RAB11FIP1: variants seen among roughly 807,000 people sequenced by gnomAD.
The protein encoded by RAB11FIP1 is rab11 family-interacting protein 1.
A neutral mutation model predicts 83.1 loss-of-function variants in RAB11FIP1; 49 were observed. The ratio of observed to expected loss-of-function variants is 0.59; its 90% CI spans 0.47 to 0.75. The LOEUF is 0.75. Among genes scored for constraint, RAB11FIP1 ranks in the 30% least tolerant of loss-of-function variants. The pLI is 0.00. For missense variants in RAB11FIP1, 1,536 were observed against 1,598.7 expected (o/e 0.96, Z 0.67); for synonymous variants, 670 against 656.0 (o/e 1.02, Z -0.33).
chr8:37,884,056 T>G (rs181915666), intron 1 of RAB11FIP1, among the ~76,000 whole-genome samples: 1 of 152,152 alleles, frequency 6.6e-6, no homozygotes, highest in Non-Finnish European at 1.5e-5. Flanking sequence ...ATTTATTTAT[T>G]TATTTATTTA....
intron 1 of RAB11FIP1, among the ~76,000 whole-genome samples, chr8:37,894,839 T>G (rs1169191029): frequency 6.6e-6 from 1 of 150,616 alleles, no homozygotes; most frequent in Non-Finnish European, 1.5e-5. Flanking sequence ...AACCTCCACC[T>G]CCTGGGTTCA....
In RAB11FIP1 at chr8:37,862,544, T is replaced by C. The variant is rs1404094704; in HGVS notation, c.*351A>G. 1 of 195,538 alleles carries C rather than the reference T, an allele frequency of 5.1e-6. No homozygotes were observed. Among genetic ancestry groups the C allele is most frequent in the African/African-American group, 2.3e-5 (1 of 42,846 alleles). 12.1% of individuals were successfully genotyped at this position (195,538 alleles called of 1,614,324 possible). On this transcript the variant is annotated 3_prime_UTR_variant, in exon 6 of 6. Transcript: ENST00000330843. Reference sequence around the variant, plus strand: ...GATACATACTGAAAAAAAATCTCAGTATGAAAGAAAGAAAACCCCAGTGTT... The same window carrying C: ...GATACATACTGAAAAAAAATCTCAGCATGAAAGAAAGAAAACCCCAGTGTT...
chr8:37,872,507 C>T lies in RAB11FIP1; in HGVS notation c.2295G>A (p.Arg765=). 6.2e-7 allele frequency: 1 copy of T among 1,614,102 alleles called. No individual in the cohort carries two copies. The highest frequency in any genetic ancestry group is 8.5e-7 in the Non-Finnish European group (1 of 1,180,008). The part of the protein sequence containing the change: ...QAGSLVESKA[R]DAAEEVAPPL... ...GGGGCGCCACTTCTTCAGCTGCATC[C>T]CTGGCTTTGCTCTCCACAAGAGACC... The change falls in exon 4 of 6, where the codon AGG becomes AGA. Residue 765 remains arginine, a synonymous_variant. Transcript: ENST00000330843.
chr8:37,880,139 G>A (rs1349481647), intron 1 of RAB11FIP1, among the ~76,000 whole-genome samples: 1 of 152,008 alleles, frequency 6.6e-6, no homozygotes, highest in Non-Finnish European at 1.5e-5. Context: ...CCATTTAGGA[G>A]CCCTATACCT....
intron 5 of RAB11FIP1, among the ~76,000 whole-genome samples, chr8:37,868,162 C>G (rs1806379882): frequency 6.6e-6 from 1 of 152,178 alleles, no homozygotes; most frequent in Admixed American, 6.5e-5. Flanking sequence ...TGGCTCACGC[C>G]TGTAATCCCA....
chr8:37,882,030 GAACGCT>G (rs1257060961), intron 1 of RAB11FIP1, among the ~76,000 whole-genome samples: 1 of 152,176 alleles, frequency 6.6e-6, no homozygotes, highest in Non-Finnish European at 1.5e-5. Context: ...AGAAGTTGCT[GAACGCT>G]AACTGAGGAG....
chr8:37,877,567 C>T lies in RAB11FIP1; in HGVS notation c.372-16G>A, dbSNP rs759582493. ...CTTATACCACCTGAAAGGAGAAAGG[C>T]TGAGGAGTTACCTTTGAATGGAAGC... On this transcript the variant is annotated splice_polypyrimidine_tract_variant and intron_variant, in intron 1 of 5. Transcript: ENST00000330843. 1.5e-5 allele frequency: 23 copies of T among 1,558,120 alleles called. No homozygotes were observed. In the South Asian group the frequency reaches 1.9e-4, roughly 13 times the overall value.
chr8:37,872,714 C>A lies in RAB11FIP1; in HGVS notation c.2088G>T (p.Gln696His), dbSNP rs1806504270. Reference sequence around the variant, plus strand: ...CTTCCTCTTGTCGCCCTGTTTCAGGCTGCTCTGGGAGAGACTCCTCCAACT... The same window carrying A: ...CTTCCTCTTGTCGCCCTGTTTCAGGATGCTCTGGGAGAGACTCCTCCAACT... ...SLELEESLPEQPETGRQEEEL... is the reference protein window; with the variant it reads ...SLELEESLPEHPETGRQEEEL... The change falls in exon 4 of 6, where the codon CAG (glutamine) becomes CAT (histidine). Residue 696 changes from glutamine to histidine, a missense_variant. Physicochemically the swap from Gln to His is conservative, Grantham distance 24. Coordinates refer to ENST00000330843, the MANE Select transcript of RAB11FIP1 (RefSeq NM_001002814.3). 1.9e-6 allele frequency: 3 copies of A among 1,614,242 alleles called. No individual in the cohort carries two copies. The East Asian group carries it at 6.7e-5, about 36-fold the overall frequency.
Position 37,878,420 on chromosome 8 carries a change from G to A in RAB11FIP1, c.372-869C>T, listed in dbSNP as rs559742335. Among the ~76,000 whole-genome samples, 543 of 150,572 alleles carry A rather than the reference G, an allele frequency of 3.6e-3. 6 individuals are homozygous for A. Among genetic ancestry groups the A allele is most frequent in the Middle Eastern group, 3.5e-3 (1 of 288 alleles). On this transcript the variant is annotated intron_variant, in intron 1 of 5. Transcript: ENST00000330843. ...GTGGTGGCAGGCGCCTGTGGTCCCA[G>A]CTACTCAGGAGACCGTGGCAGGAGA... is the stretch of plus-strand genomic sequence containing the variant.
intron 4 of RAB11FIP1, chr8:37,870,898 C>A: frequency 3.5e-6 from 1 of 286,732 alleles, no homozygotes; most frequent in Non-Finnish European, 6.5e-6. Flanking sequence ...AAAGACAGCT[C>A]AAAACAAACA....
At chr8:37,874,452 G>A (rs1016872204) in intron 3 of RAB11FIP1, 63 bp downstream of exon 3, 12 of 1,326,812 alleles carry the variant, frequency 9.0e-6, no homozygotes, top group African/African-American at 2.9e-5. Context: ...CTGGTCTAAC[G>A]TAAGCCTGAA....
At position 37,872,379 on chromosome 8, in the gene RAB11FIP1, C is replaced by G; in HGVS notation, c.2423G>C (p.Arg808Pro). The change falls in exon 4 of 6, where the codon CGT (arginine) becomes CCT (proline). Residue 808 changes from arginine to proline, a missense_variant. Coordinates refer to ENST00000330843, the MANE Select transcript of RAB11FIP1 (RefSeq NM_001002814.3). ...GAAGAGCTGCTCAGAAAATGACACA[C>G]GCTTCTTGGTTTTCTTCTGGTCCTT... ...LRKDQKKTKK[R>P]VSFSEQLFTE... 2 of 1,614,204 alleles carry G rather than the reference C, an allele frequency of 1.2e-6. No homozygotes were observed. The highest frequency in any genetic ancestry group is 1.7e-6 in the Non-Finnish European group (2 of 1,180,044).
rs541800713 is a variant in RAB11FIP1 at position 37,860,978 on chromosome 8, C to T, written c.*1917G>A. ...ATAAAAGAGATTCCTGATTTAATAA[C>T]TGCTATCATCTTCACCCCCAACCAC... On this transcript the variant is annotated 3_prime_UTR_variant, in exon 6 of 6. Transcript: ENST00000330843. 2 of 152,614 alleles carry T rather than the reference C, an allele frequency of 1.3e-5. No individual in the cohort carries two copies. Among genetic ancestry groups the T allele is most frequent in the East Asian group, 1.9e-4 (1 of 5,184 alleles). The allele number at this position is 152,614 out of a possible 1,614,324, so 9.5% of individuals were successfully genotyped here.
chr8:37,867,121 C>T (rs1806355975), intron 5 of RAB11FIP1, among the ~76,000 whole-genome samples: 1 of 152,170 alleles, frequency 6.6e-6, no homozygotes, highest in Admixed American at 6.5e-5. Flanking sequence ...TCTTTGGAGC[C>T]ACACTGCATT....
At chr8:37,897,483 A>G (rs1021486784) in intron 1 of RAB11FIP1, among the ~76,000 whole-genome samples, 1 of 149,222 alleles carries the variant, frequency 6.7e-6, no homozygotes, top group African/African-American at 2.5e-5. Context: ...TAGCTTTGGC[A>G]TACTAGATGA....
At position 37,896,271 on chromosome 8, in the gene RAB11FIP1, T is replaced by C. The variant is rs554441898; in HGVS notation, c.371+2800A>G. On this transcript the variant is annotated intron_variant, in intron 1 of 5. Coordinates refer to ENST00000330843, the MANE Select transcript of RAB11FIP1 (RefSeq NM_001002814.3). ...GTTTCAGTGAGCCGAGATCACGCCA[T>C]TGCACTCCAGCCTGGGGGACAGAGT... 1.3e-5 allele frequency among the ~76,000 whole-genome samples: 2 copies of C among 151,642 alleles called. 1 individual carries two copies. Among genetic ancestry groups the C allele is most frequent in the South Asian group, 4.2e-4 (2 of 4,812 alleles).
chr8:37,866,191 C>A (rs1806338883), intron 5 of RAB11FIP1, among the ~76,000 whole-genome samples: 1 of 151,930 alleles, frequency 6.6e-6, no homozygotes, highest in Non-Finnish European at 1.5e-5. Flanking sequence ...AAAAATTATC[C>A]AGGCATGGTG....
intron 5 of RAB11FIP1, among the ~76,000 whole-genome samples, chr8:37,866,687 A>C (rs1037921586): frequency 1.3e-5 from 2 of 152,208 alleles, no homozygotes; most frequent in African/African-American, 4.8e-5. Context: ...AAGAAAAAAA[A>C]AAAACACTGT....
chr8:37,872,179 A>G lies in RAB11FIP1; in HGVS notation c.2623T>C (p.Cys875Arg), dbSNP rs1806482354. 1 of 1,613,996 alleles carries G rather than the reference A, an allele frequency of 6.2e-7. No homozygotes were observed. Among genetic ancestry groups the G allele is most frequent in the Non-Finnish European group, 8.5e-7 (1 of 1,179,980 alleles). ...TCCGCTGGGGAGGCTGGCGCACCACACGTCGCTGGCCCAGGTGTGGTCACC... is the reference window on the plus strand; with the variant it reads ...TCCGCTGGGGAGGCTGGCGCACCACGCGTCGCTGGCCCAGGTGTGGTCACC... ...ESVTTPGPAT[C>R]GAPASPADHL... is the part of the protein sequence containing the mutation. Residue 875 changes from cysteine to arginine, a missense_variant, in exon 4 of 6, where the codon TGT (cysteine) becomes CGT (arginine). By Grantham distance (180) the Cys-to-Arg change is radical. Transcript: ENST00000330843.
Sources: allele counts gnomAD v4.1 joint callset (sites outside exome capture counted in the v4.1 genomes callset), GRCh38; gene constraint gnomAD v4.1.1; transcripts MANE v1.5; gene names NCBI Gene and HGNC (gene_info 2026-07-23, HGNC 2026-07-21).